Variants in TDRD3 observed in about 807,000 individuals in gnomAD.
TDRD3 encodes tudor domain containing 3.
Under a neutral mutation model 86.7 loss-of-function variants are expected in TDRD3, and 45 were observed. That is an observed-to-expected ratio of 0.52 (90% CI 0.41 to 0.67). TDRD3 has a LOEUF of 0.67. Ranked by LOEUF, TDRD3 falls within the 30% of genes least tolerant of loss-of-function variation. The pLI is 0.00. For missense variants in TDRD3, 814 were observed against 889.0 expected (o/e 0.92, Z 1.07); for synonymous variants, 298 against 301.7 (o/e 0.99, Z 0.13).
chr13:60,435,712 A>C (rs1246423139), intron 1 of TDRD3, among the ~76,000 whole-genome samples: 2 of 152,154 alleles, frequency 1.3e-5, no homozygotes, highest in East Asian at 3.9e-4. Flanking sequence ...TGCAACTGGC[A>C]AATTGTGCTA....
intron 5 of TDRD3, among the ~76,000 whole-genome samples, chr13:60,483,493 TAAG>T (rs908438433): frequency 5.3e-5 from 8 of 152,194 alleles, no homozygotes; most frequent in African/African-American, 1.9e-4. Flanking sequence ...ATTTGCTTCT[TAAG>T]AAGACTGTTT....
chr13:60,410,819 T>C (rs918724637), intron 1 of TDRD3, among the ~76,000 whole-genome samples: 4 of 152,194 alleles, frequency 2.6e-5, no homozygotes, highest in African/African-American at 9.6e-5. Flanking sequence ...TTGTTGCTGA[T>C]AAATTTTTTG....
intron 12 of TDRD3, among the ~76,000 whole-genome samples, chr13:60,543,524 A>G (rs954134670): frequency 1.3e-5 from 2 of 152,134 alleles, no homozygotes; most frequent in African/African-American, 2.4e-5. Context: ...CTATTATACA[A>G]TGTCTACAGG....
At chr13:60,517,814 G>C (rs1310972495) in intron 10 of TDRD3, among the ~76,000 whole-genome samples, 2 of 152,196 alleles carry the variant, frequency 1.3e-5, no homozygotes, top group Non-Finnish European at 2.9e-5. Flanking sequence ...TTAGTATCTA[G>C]TCAACAAAAA....
chr13:60,541,724 T>C, intron 12 of TDRD3, among the ~76,000 whole-genome samples: 1 of 111,988 alleles, frequency 8.9e-6, no homozygotes, highest in Non-Finnish European at 1.9e-5. Flanking sequence ...GTCTTTTTTT[T>C]TTTTTTTTTT....
intron 1 of TDRD3, among the ~76,000 whole-genome samples, chr13:60,433,764 G>A (rs1461384514): frequency 6.6e-6 from 1 of 152,212 alleles, no homozygotes; most frequent in Non-Finnish European, 1.5e-5. Flanking sequence ...TAGTCCTCGT[G>A]CAGACATGGC....
chr13:60,481,757 T>C (rs1255467146), intron 5 of TDRD3, among the ~76,000 whole-genome samples: 1 of 152,214 alleles, frequency 6.6e-6, no homozygotes, highest in African/African-American at 2.4e-5. Context: ...ATGGTTATGG[T>C]CACATTTTTC....
intron 1 of TDRD3, among the ~76,000 whole-genome samples, chr13:60,432,446 C>A (rs2137922797): frequency 6.6e-6 from 1 of 152,216 alleles, no homozygotes; most frequent in South Asian, 2.1e-4. Context: ...TAAACAAGAA[C>A]TTTCAAGCCA....
intron 12 of TDRD3, among the ~76,000 whole-genome samples, chr13:60,558,499 A>G (rs1037410861): frequency 7.2e-5 from 11 of 152,216 alleles, no homozygotes; most frequent in African/African-American, 2.7e-4. Context: ...AGATAGGCAT[A>G]TGCATTTTTC....
chr13:60,491,585 A>T (rs966123228), intron 7 of TDRD3, among the ~76,000 whole-genome samples: 1 of 152,244 alleles, frequency 6.6e-6, no homozygotes, highest in African/African-American at 2.4e-5. Flanking sequence ...TAAACTTATC[A>T]AAGGCAATTG....
At position 60,473,783 on chromosome 13, in the gene TDRD3, G is replaced by C. The variant is rs140631568; in HGVS notation, c.495+6404G>C. Among the ~76,000 whole-genome samples the C allele has an allele frequency of 1.7e-3, 266 of 152,322 alleles. 2 individuals carry two copies. The highest frequency in any genetic ancestry group is 0.014 in the Middle Eastern group (4 of 294). Reference sequence around the variant, plus strand: ...CACTAGAGGGCTCCCTGGTCTAGCGGACAAGGCCACTAGAGGGCTCCCTGG... The same window carrying C: ...CACTAGAGGGCTCCCTGGTCTAGCGCACAAGGCCACTAGAGGGCTCCCTGG... On this transcript the variant is annotated intron_variant, in intron 5 of 13. Coordinates refer to ENST00000377881, the MANE Select transcript of TDRD3 (RefSeq NM_001146070.2).
At chr13:60,403,028 T>C (rs536022710) in intron 1 of TDRD3, among the ~76,000 whole-genome samples, 1 of 152,358 alleles carries the variant, frequency 6.6e-6, no homozygotes, top group Admixed American at 6.5e-5. Flanking sequence ...TCAAAATATG[T>C]TACATATTGC....
At chr13:60,482,318 C>T (rs1359151046) in intron 5 of TDRD3, among the ~76,000 whole-genome samples, 2 of 152,120 alleles carry the variant, frequency 1.3e-5, no homozygotes, top group Non-Finnish European at 1.5e-5. Context: ...AAAGCCATAG[C>T]TCACCTGTTT....
chr13:60,460,514 A>G lies in TDRD3; in HGVS notation c.327A>G (p.Val109=). Residue 109 remains valine, a synonymous_variant, in exon 4 of 14, where the codon GTA becomes GTG. Coordinates refer to ENST00000377881, the MANE Select transcript of TDRD3 (RefSeq NM_001146070.2). ...ATGGTCATATAAGTTGCACAGCAGT[A>G]GAATTTAGTTATATGTCAAAAATAA... ...MTDGHISCTA[V]EFSYMSKISL... 1.3e-6 allele frequency: 2 copies of G among 1,563,994 alleles called. No homozygotes were observed. The highest frequency in any genetic ancestry group is 1.7e-6 in the Non-Finnish European group (2 of 1,164,972).
chr13:60,492,772 G>C (rs1327483644), intron 7 of TDRD3, among the ~76,000 whole-genome samples: 1 of 151,924 alleles, frequency 6.6e-6, no homozygotes, highest in African/African-American at 2.4e-5. Flanking sequence ...ATTTTGATTT[G>C]AGTTAAATGT....
At position 60,467,307 on chromosome 13, in the gene TDRD3, C is replaced by G. The variant is rs1264242193; in HGVS notation, c.423C>G (p.Leu141=). Residue 141 remains leucine, a synonymous_variant, in exon 5 of 14, where the codon CTC becomes CTG. Transcript: ENST00000377881. ...TTGACATAAAAAATGGATTCCTGCT[C>G]TTGAATGACTCTAACACCACAGTTC... is the stretch of plus-strand genomic sequence containing the variant. ...GIVDIKNGFL[L]LNDSNTTVLG... 1.9e-6 allele frequency: 3 copies of G among 1,613,796 alleles called. No individual in the cohort carries two copies. The African/African-American group carries it at 4.0e-5, about 22-fold the overall frequency.
In TDRD3 at chr13:60,430,911, A is replaced by G. The variant is rs1954940040; in HGVS notation, c.42-8777A>G. Among the ~76,000 whole-genome samples, 5 of 152,244 alleles carry G rather than the reference A, an allele frequency of 3.3e-5. No individual in the cohort carries two copies. In the South Asian group the frequency reaches 1.0e-3, roughly 32 times the overall value. On this transcript the variant is annotated intron_variant, in intron 1 of 13. Transcript: ENST00000377881. ...TGTATTTTGATGTCACAGAAAAGCAATTATTGAAATAATGCTGAAAATACT... is the reference window on the plus strand; with the variant it reads ...TGTATTTTGATGTCACAGAAAAGCAGTTATTGAAATAATGCTGAAAATACT...
chr13:60,510,800 T>C, intron 10 of TDRD3, 45 bp downstream of exon 10: 8 of 1,476,056 alleles, frequency 5.4e-6, no homozygotes, highest in Non-Finnish European at 7.2e-6. Context: ...TTTCTTTTCT[T>C]TCTTTTTTTT....
At chr13:60,469,304 A>G (rs1956022019) in intron 5 of TDRD3, among the ~76,000 whole-genome samples, 1 of 151,934 alleles carries the variant, frequency 6.6e-6, no homozygotes, top group Non-Finnish European at 1.5e-5. Flanking sequence ...GAGATTTTTT[A>G]AAGTGTGGTA....
Sources: gnomAD v4.1 joint callset for allele counts (sites outside exome capture counted in the v4.1 genomes callset) on GRCh38, gnomAD v4.1.1 for gene constraint, MANE v1.5 for transcripts, NCBI Gene and HGNC (gene_info 2026-07-23, HGNC 2026-07-21) for gene names.